PTPRD: variants seen among roughly 807,000 people sequenced by gnomAD.
PTPRD encodes the protein protein tyrosine phosphatase receptor type D.
PTPRD carries 34 observed loss-of-function variants against 214.5 expected under a neutral mutation model. The observed-to-expected ratio is 0.16, with a 90% CI of 0.12 to 0.21. PTPRD has a LOEUF of 0.21. Ranked by LOEUF, PTPRD falls within the 10% of genes least tolerant of loss-of-function variation. PTPRD has a pLI of 1.00. For synonymous variants in PTPRD, 1,128 were observed against 845.7 expected, an observed-to-expected ratio of 1.33 and a Z score of -5.79; for missense variants, 2,545 against 2,398.7, an observed-to-expected ratio of 1.06 and a Z score of -1.27.
In PTPRD at chr9:9,020,319, C is replaced by G. The variant is rs76185929; in HGVS notation, c.-142-1584G>C. ...AAATTAATGAGAGTTGGTACTCTTG[C>G]GATTTTTGTTTTAAAAGATTATCTG... On this transcript the variant is annotated intron_variant, in intron 10 of 45. Transcript: ENST00000381196. 8.5e-5 allele frequency among the ~76,000 whole-genome samples: 13 copies of G among 152,130 alleles called. No homozygotes were observed. In the East Asian group the frequency reaches 2.5e-3, roughly 29 times the overall value.
At chr9:10,519,952 C>G (rs1344818012) in intron 2 of PTPRD, among the ~76,000 whole-genome samples, 1 of 151,964 alleles carries the variant, frequency 6.6e-6, no homozygotes, top group Non-Finnish European at 1.5e-5. Flanking sequence ...TTAACATTAG[C>G]CTAATTACCA....
At chr9:9,863,409 C>T (rs898536449) in intron 5 of PTPRD, among the ~76,000 whole-genome samples, 2 of 152,122 alleles carry the variant, frequency 1.3e-5, no homozygotes, top group Non-Finnish European at 2.9e-5. Context: ...TAAGAGTGAG[C>T]ATGTTTGGGG....
intron 9 of PTPRD, among the ~76,000 whole-genome samples, chr9:9,261,603 A>T (rs2099980130): frequency 6.6e-6 from 1 of 151,290 alleles, no homozygotes; most frequent in African/African-American, 2.4e-5. Flanking sequence ...TAGAAAGCAA[A>T]CCTCTAATAA....
chr9:8,403,807 G>C (rs1200415272), intron 36 of PTPRD, among the ~76,000 whole-genome samples: 2 of 152,098 alleles, frequency 1.3e-5, no homozygotes. Flanking sequence ...TGAAATTTTA[G>C]ACAGTCCCCA....
chr9:9,609,758 T>G lies in PTPRD; in HGVS notation c.-286-34977A>C, dbSNP rs1049011214. ...GATCACAGGTGTGAGACACCGCACC[T>G]GGCACAATGTGAACTTTCATAAGCT... On this transcript the variant is annotated intron_variant, in intron 7 of 45. Transcript: ENST00000381196. Among the ~76,000 whole-genome samples, 3 of 152,176 alleles carry G rather than the reference T, an allele frequency of 2.0e-5. No individual in the cohort carries two copies. In the East Asian group the frequency reaches 5.8e-4, roughly 29 times the overall value.
At chr9:10,414,701 A>G (rs890754379) in intron 2 of PTPRD, among the ~76,000 whole-genome samples, 6 of 151,994 alleles carry the variant, frequency 3.9e-5, no homozygotes, top group East Asian at 1.9e-4. Flanking sequence ...ACACCCATCA[A>G]TGATAGATGG....
At chr9:8,606,394 T>G (rs2095215064) in intron 14 of PTPRD, among the ~76,000 whole-genome samples, 1 of 152,174 alleles carries the variant, frequency 6.6e-6, no homozygotes, top group South Asian at 2.1e-4. Context: ...TACCTGTGAA[T>G]AGCATCTTAC....
chr9:8,893,718 A>G (rs1264332022), intron 11 of PTPRD, among the ~76,000 whole-genome samples: 5 of 152,194 alleles, frequency 3.3e-5, no homozygotes, highest in Admixed American at 6.5e-5. Context: ...GTGGCCATCA[A>G]TAAGATACAC....
chr9:8,518,170 A>G lies in PTPRD; in HGVS notation c.1221T>C (p.Pro407=), dbSNP rs768569168. The G allele has an allele frequency of 6.8e-6, 11 of 1,614,192 alleles. No homozygotes were observed. In the East Asian group the frequency reaches 8.9e-5, roughly 13 times the overall value. ...CTTGCTCTGAGGTTTGTGTTAGCAC[A>G]GGTTCGCTGGGAGGCCCCCGCCCAA... ...NNIGRGPPSE[P]VLTQTSEQAP... is the part of the protein sequence containing the mutation. The change falls in exon 21 of 46, where the codon CCT becomes CCC. Residue 407 remains proline (P), a synonymous_variant. Coordinates refer to ENST00000381196, the MANE Select transcript of PTPRD (RefSeq NM_002839.4).
chr9:10,488,597 G>C (rs2132555959), intron 2 of PTPRD, among the ~76,000 whole-genome samples: 1 of 152,090 alleles, frequency 6.6e-6, no homozygotes, highest in African/African-American at 2.4e-5. Context: ...TGGGAGCCAG[G>C]GATTAGGATA....
At chr9:9,309,817 T>C (rs889660890) in intron 9 of PTPRD, among the ~76,000 whole-genome samples, 12 of 152,216 alleles carry the variant, frequency 7.9e-5, no homozygotes, top group African/African-American at 2.4e-4. Context: ...ATTTCCAAAC[T>C]TATTCTTTTT....
intron 2 of PTPRD, among the ~76,000 whole-genome samples, chr9:10,435,205 C>G (rs1038278718): frequency 3.3e-5 from 5 of 151,840 alleles, no homozygotes; most frequent in African/African-American, 1.2e-4. Context: ...ACAAGAAGAA[C>G]ACTTGTTCCC....
At chr9:10,100,649 G>T (rs2098542747) in intron 3 of PTPRD, among the ~76,000 whole-genome samples, 1 of 151,606 alleles carries the variant, frequency 6.6e-6, no homozygotes, top group African/African-American at 2.4e-5. Context: ...AATGGTAACA[G>T]AAATAAAAAT....
At chr9:10,064,161 T>G (rs2154172291) in intron 3 of PTPRD, among the ~76,000 whole-genome samples, 1 of 152,104 alleles carries the variant, frequency 6.6e-6, no homozygotes, top group African/African-American at 2.4e-5. Context: ...TTACCAGAAT[T>G]ATTCCTCTTT....
intron 9 of PTPRD, among the ~76,000 whole-genome samples, chr9:9,248,786 A>G (rs1276091645): frequency 6.6e-6 from 1 of 152,094 alleles, no homozygotes; most frequent in Non-Finnish European, 1.5e-5. Flanking sequence ...GCACAATTCT[A>G]TCAAAGATCA....
At chr9:9,804,615 A>G (rs1479102960) in intron 5 of PTPRD, among the ~76,000 whole-genome samples, 1 of 152,082 alleles carries the variant, frequency 6.6e-6, no homozygotes, top group Non-Finnish European at 1.5e-5. Context: ...TTTTTACTGA[A>G]TTCATACATA....
chr9:9,201,643 C>A (rs2099941913), intron 9 of PTPRD, among the ~76,000 whole-genome samples: 1 of 152,080 alleles, frequency 6.6e-6, no homozygotes, highest in African/African-American at 2.4e-5. Flanking sequence ...TTTTAAATAT[C>A]TTACTGATAA....
intron 8 of PTPRD, among the ~76,000 whole-genome samples, chr9:9,402,026 C>T (rs2070811061): frequency 1.3e-5 from 2 of 151,972 alleles, no homozygotes; most frequent in South Asian, 4.2e-4. Context: ...CTAATGCAGT[C>T]ATAATTGTGA....
chr9:10,492,876 G>A (rs964188267), intron 2 of PTPRD, among the ~76,000 whole-genome samples: 22 of 151,696 alleles, frequency 1.5e-4, no homozygotes, highest in African/African-American at 4.4e-4. Flanking sequence ...CCTAAATCTC[G>A]TTAAGCAGAT....
Sources: gnomAD v4.1 joint callset for allele counts (sites outside exome capture counted in the v4.1 genomes callset) on GRCh38, gnomAD v4.1.1 for gene constraint, MANE v1.5 for transcripts, NCBI Gene and HGNC (gene_info 2026-07-23, HGNC 2026-07-21) for gene names.